SAMD8: variants seen among roughly 807,000 people sequenced by gnomAD.
The protein encoded by SAMD8 is sterile alpha motif domain containing 8, also known as sphingomyelin synthase-related protein 1.
Under a neutral mutation model 42.0 loss-of-function variants are expected in SAMD8, and 20 were observed. The observed-to-expected ratio is 0.48, with a 90% CI of 0.34 to 0.69. SAMD8 has a LOEUF of 0.69. SAMD8 is among the 30% of genes least tolerant of loss of function. The pLI is 0.01. For missense variants in SAMD8, 328 were observed against 511.6 expected, an observed-to-expected ratio of 0.64 and a Z score of 3.46; for synonymous variants, 162 against 173.0, an observed-to-expected ratio of 0.94 and a Z score of 0.50.
At chr10:75,144,708 A>T (rs150150188) in intron 1 of SAMD8, among the ~76,000 whole-genome samples, 2 of 151,706 alleles carry the variant, frequency 1.3e-5, no homozygotes, top group East Asian at 3.9e-4. Context: ...CCCAGGCTGG[A>T]GTGCAGTGGC....
intron 1 of SAMD8, among the ~76,000 whole-genome samples, chr10:75,102,798 C>G (rs938345486): frequency 6.6e-6 from 1 of 151,834 alleles, no homozygotes; most frequent in African/African-American, 2.4e-5. Context: ...ACTAAAAATA[C>G]AAAATTAGCT....
chr10:75,163,727 C>T (rs554083169), intron 2 of SAMD8, among the ~76,000 whole-genome samples: 81 of 152,266 alleles, frequency 5.3e-4, no homozygotes, highest in Middle Eastern at 3.4e-3. Flanking sequence ...GGATTACAGG[C>T]GTGATCCACC....
chr10:75,156,547 TGATCAAATGTAGTA>T (rs1840414305), intron 2 of SAMD8, among the ~76,000 whole-genome samples: 1 of 151,952 alleles, frequency 6.6e-6, no homozygotes, highest in East Asian at 1.9e-4. Flanking sequence ...CTTAACCAAA[TGATCAAATGTAGTA>T]GCATCACAGT....
chr10:75,109,818 T>TTTTGTTTTGTTTTGTTTTGTTTTGTTTTG (rs1554856164), upstream of SAMD8, among the ~76,000 whole-genome samples: 3 of 150,084 alleles, frequency 2.0e-5, no homozygotes, highest in African/African-American at 7.4e-5. Flanking sequence ...AAGGTGTTTT[T>TTTTGTTTTGTTTTGTTTTGTTTTGTTTTG]TTTTGTTTTG....
chr10:75,144,576 T>C (rs1164721023), intron 1 of SAMD8, among the ~76,000 whole-genome samples: 1 of 152,238 alleles, frequency 6.6e-6, no homozygotes, highest in African/African-American at 2.4e-5. Flanking sequence ...GCGTCAGAAC[T>C]TCCTTCCTTT....
intron 1 of SAMD8, among the ~76,000 whole-genome samples, chr10:75,124,084 G>A (rs889904546): frequency 1.3e-5 from 2 of 151,980 alleles, no homozygotes; most frequent in African/African-American, 4.8e-5. Context: ...TTTCCAGGTT[G>A]CTAGCTTCTC....
chr10:75,146,915 G>T (rs562380721), intron 1 of SAMD8, among the ~76,000 whole-genome samples: 1 of 152,158 alleles, frequency 6.6e-6, no homozygotes, highest in Non-Finnish European at 1.5e-5. Flanking sequence ...TAGTGATTTA[G>T]TATGGGCCTC....
At chr10:75,136,377 G>A (rs1564681976) in intron 1 of SAMD8, among the ~76,000 whole-genome samples, 1 of 152,172 alleles carries the variant, frequency 6.6e-6, no homozygotes, top group African/African-American at 2.4e-5. Context: ...TGAGAAGAGA[G>A]CTGAAAAACA....
At position 75,161,208 on chromosome 10, in the gene SAMD8, A is replaced by C. The variant is rs192335241; in HGVS notation, c.579-3437A>C. 4.7e-3 allele frequency among the ~76,000 whole-genome samples: 720 copies of C among 152,278 alleles called. 4 individuals are homozygous for C. The highest frequency in any genetic ancestry group is 0.015 in the African/African-American group (641 of 41,558). On this transcript the variant is annotated intron_variant, in intron 2 of 5. Coordinates refer to ENST00000542569, the MANE Select transcript of SAMD8 (RefSeq NM_001174156.2). ...ATGAGAACAGAGCTGCCATGTTTTA[A>C]AGAGGATTCATTAAAAGTCTATATA...
upstream of SAMD8, chr10:75,108,054 T>C: frequency 6.2e-7 from 1 of 1,613,778 alleles, no homozygotes; most frequent in African/African-American, 1.3e-5. Context: ...GGCACTGATG[T>C]CAAAATCAGG....
intron 4 of SAMD8, among the ~76,000 whole-genome samples, chr10:75,170,581 A>AT (rs1363655638): frequency 1.3e-5 from 2 of 151,828 alleles, no homozygotes; most frequent in Non-Finnish European, 2.9e-5. Context: ...AGGAAAAGTA[A>AT]TTTTTTCAAA....
At chr10:75,163,034 T>C (rs1840595598) in intron 2 of SAMD8, among the ~76,000 whole-genome samples, 1 of 152,032 alleles carries the variant, frequency 6.6e-6, no homozygotes, top group South Asian at 2.1e-4. Context: ...CAAGCAGTTC[T>C]CTGCCTCAGC....
intron 1 of SAMD8, among the ~76,000 whole-genome samples, chr10:75,144,485 G>GAATC (rs1840090748): frequency 6.7e-6 from 1 of 149,112 alleles, no homozygotes; most frequent in African/African-American, 2.6e-5. Flanking sequence ...CGTATAAGTG[G>GAATC]AATCATACAG....
intron 1 of SAMD8, among the ~76,000 whole-genome samples, chr10:75,144,596 A>C (rs771320047): frequency 2.6e-5 from 4 of 152,266 alleles, no homozygotes; most frequent in Middle Eastern, 3.4e-3. Context: ...TTTAAGGCTG[A>C]ATAATAGTCT....
chr10:75,131,641 G>T (rs1456505300), intron 1 of SAMD8, among the ~76,000 whole-genome samples: 1 of 152,036 alleles, frequency 6.6e-6, no homozygotes, highest in Non-Finnish European at 1.5e-5. Flanking sequence ...AAATAAGTGA[G>T]TCTCCAAAAT....
intron 1 of SAMD8, among the ~76,000 whole-genome samples, chr10:75,113,131 G>A (rs557886220): frequency 6.6e-6 from 1 of 152,322 alleles, no homozygotes; most frequent in East Asian, 1.9e-4. Flanking sequence ...AACTGGGACA[G>A]GTGGGTATAC....
intron 1 of SAMD8, among the ~76,000 whole-genome samples, chr10:75,137,480 C>T (rs1839916206): frequency 6.6e-6 from 1 of 151,272 alleles, no homozygotes; most frequent in African/African-American, 2.4e-5. Flanking sequence ...GCGGAGCTTG[C>T]AGCGAGCCAA....
At chr10:75,149,809 G>A (rs1439674679) in intron 1 of SAMD8, among the ~76,000 whole-genome samples, 8 of 151,864 alleles carry the variant, frequency 5.3e-5, no homozygotes, top group African/African-American at 9.7e-5. Flanking sequence ...CTCAGTTCTC[G>A]AGTAGGCTTT....
chr10:75,171,618 A>G (rs1441937329), intron 4 of SAMD8, among the ~76,000 whole-genome samples: 1 of 152,220 alleles, frequency 6.6e-6, no homozygotes, highest in Non-Finnish European at 1.5e-5. Context: ...AGTATTTATA[A>G]ACAGTGCTAT....
Sources: allele counts gnomAD v4.1 joint callset (sites outside exome capture counted in the v4.1 genomes callset), GRCh38; gene constraint gnomAD v4.1.1; transcripts MANE v1.5; gene names NCBI Gene and HGNC (gene_info 2026-07-23, HGNC 2026-07-21).